Variants in TMEM232 observed in about 807,000 individuals in gnomAD.
TMEM232 encodes transmembrane protein 232.
In TMEM232, 80 loss-of-function variants were observed where a neutral mutation model predicts 78.8. That is an observed-to-expected ratio of 1.01 (90% CI 0.85 to 1.22). The LOEUF is 1.22. TMEM232 is among the 50% of genes most tolerant of loss of function. The pLI is 0.00. For synonymous variants in TMEM232, 297 were observed against 254.3 expected, an observed-to-expected ratio of 1.17 and a Z score of -1.60; for missense variants, 881 against 742.2, an observed-to-expected ratio of 1.19 and a Z score of -2.17.
Position 110,659,402 on chromosome 5 carries a change from C to T in TMEM232, c.125+7826G>A, listed in dbSNP as rs7719475. Among the ~76,000 whole-genome samples, 1,480 of 152,120 alleles carry T rather than the reference C, an allele frequency of 9.7e-3. 18 individuals carry two copies. The highest frequency in any genetic ancestry group is 0.034 in the African/African-American group (1,391 of 41,486). Reference sequence around the variant, plus strand: ...ACCCTAGACAAACATAGATTGTTGGCCAAGAAAACTCAGGCAGTGAATTTA... The same window carrying T: ...ACCCTAGACAAACATAGATTGTTGGTCAAGAAAACTCAGGCAGTGAATTTA... On this transcript the variant is annotated intron_variant, in intron 2 of 13. Coordinates refer to ENST00000455884, the MANE Select transcript of TMEM232 (RefSeq NM_001039763.4).
intron 10 of TMEM232, among the ~76,000 whole-genome samples, chr5:110,578,846 AT>A (rs1416281893): frequency 9.2e-5 from 14 of 151,902 alleles, no homozygotes; most frequent in Admixed American, 2.0e-4. Flanking sequence ...TAGATTTAGC[AT>A]GTAAATCTAG....
chr5:110,410,935 A>G (rs746030861), intron 2 of TMEM232, among the ~76,000 whole-genome samples: 2 of 152,104 alleles, frequency 1.3e-5, no homozygotes, highest in South Asian at 2.1e-4. Context: ...TGTAGGTACT[A>G]TTTGTTTCTC....
chr5:110,643,436 G>A (rs997799159), intron 2 of TMEM232, among the ~76,000 whole-genome samples: 2 of 152,020 alleles, frequency 1.3e-5, no homozygotes, highest in Admixed American at 6.6e-5. Context: ...AAAATGTAGA[G>A]AGAGTATACG....
At chr5:110,463,061 A>C (rs780488248) in intron 12 of TMEM232, among the ~76,000 whole-genome samples, 7 of 152,174 alleles carry the variant, frequency 4.6e-5, no homozygotes, top group Non-Finnish European at 1.0e-4. Context: ...GATTGACTCC[A>C]TTTTTGAAAA....
rs188063163 is a variant in TMEM232, at chr5:110,519,325, T to C, written c.1703+9263A>G. Reference sequence around the variant, plus strand: ...CAACAGCCATGGGAAAAATAAAAATTTGACAAAGAATTACCTTAGAAGAAG... The same window carrying C: ...CAACAGCCATGGGAAAAATAAAAATCTGACAAAGAATTACCTTAGAAGAAG... On this transcript the variant is annotated intron_variant, in intron 12 of 13. Coordinates refer to ENST00000455884, the MANE Select transcript of TMEM232 (RefSeq NM_001039763.4). 2.0e-5 allele frequency among the ~76,000 whole-genome samples: 3 copies of C among 152,152 alleles called. No homozygotes were observed. The East Asian group carries it at 5.8e-4, about 29-fold the overall frequency.
chr5:110,533,620 C>T (rs925079909), intron 11 of TMEM232, among the ~76,000 whole-genome samples: 2 of 152,190 alleles, frequency 1.3e-5, no homozygotes, highest in Non-Finnish European at 2.9e-5. Flanking sequence ...TCCCCGGCTC[C>T]TTCAGCTGTA....
At chr5:110,713,814 G>C (rs1170283270) in intron 1 of TMEM232, among the ~76,000 whole-genome samples, 1 of 152,176 alleles carries the variant, frequency 6.6e-6, no homozygotes, top group Admixed American at 6.6e-5. Flanking sequence ...CTGGGTGGCA[G>C]AGAGTTAGAA....
chr5:110,675,059 T>TTTA (rs1791851603), intron 1 of TMEM232, among the ~76,000 whole-genome samples: 1 of 137,922 alleles, frequency 7.3e-6, no homozygotes, highest in African/African-American at 2.8e-5. Context: ...TTATTTATTT[T>TTTA]GAGACAGAGT....
chr5:110,651,391 A>C (rs1384553724), intron 2 of TMEM232, among the ~76,000 whole-genome samples: 2 of 151,804 alleles, frequency 1.3e-5, no homozygotes, highest in African/African-American at 2.4e-5. Flanking sequence ...AGAGACAAAG[A>C]AAACAAAAGA....
At chr5:110,547,646 A>T (rs1319678311) in intron 11 of TMEM232, among the ~76,000 whole-genome samples, 2 of 152,188 alleles carry the variant, frequency 1.3e-5, no homozygotes, top group African/African-American at 4.8e-5. Flanking sequence ...TTTATGTTTC[A>T]TCTATGACAA....
chr5:110,703,789 A>G (rs1006785343), intron 1 of TMEM232, among the ~76,000 whole-genome samples: 3 of 152,080 alleles, frequency 2.0e-5, no homozygotes, highest in Admixed American at 6.6e-5. Context: ...CCATTTTCCA[A>G]TATTTTTATT....
chr5:110,610,358 C>G, intron 8 of TMEM232: 1 of 174,306 alleles, frequency 5.7e-6, no homozygotes, highest in South Asian at 1.0e-4. Context: ...AACAAAAAGT[C>G]CAAAATTTAA....
At chr5:110,553,051 T>C (rs984371276) in intron 11 of TMEM232, among the ~76,000 whole-genome samples, 12 of 152,178 alleles carry the variant, frequency 7.9e-5, no homozygotes, top group African/African-American at 2.7e-4. Flanking sequence ...GTTGTAGGTA[T>C]GCAGTTTTAT....
At chr5:110,485,422 C>T (rs1335783080) in intron 12 of TMEM232, among the ~76,000 whole-genome samples, 2 of 151,928 alleles carry the variant, frequency 1.3e-5, no homozygotes, top group Non-Finnish European at 2.9e-5. Flanking sequence ...TACACTGCAC[C>T]GTATTTGTAG....
At chr5:110,665,627 G>A (rs542503154) in intron 2 of TMEM232, among the ~76,000 whole-genome samples, 21 of 150,650 alleles carry the variant, frequency 1.4e-4, no homozygotes, top group Non-Finnish European at 2.2e-4. Context: ...AATCCATCCC[G>A]GTTATCCAAT....
Position 110,505,225 on chromosome 5 carries a change from C to A in TMEM232, c.1703+23363G>T, listed in dbSNP as rs558402128. 1.8e-4 allele frequency among the ~76,000 whole-genome samples: 28 copies of A among 152,198 alleles called. No homozygotes were observed. The South Asian group carries it at 5.8e-3, about 32-fold the overall frequency. On this transcript the variant is annotated intron_variant, in intron 12 of 13. Coordinates refer to ENST00000455884, the MANE Select transcript of TMEM232 (RefSeq NM_001039763.4). ...TCCTCAAATACAAATACAAGAAGGA[C>A]ACTGGACCAAAGGGCTCCTATGGCT...
chr5:110,628,662 A>T (rs1441553493), intron 5 of TMEM232, among the ~76,000 whole-genome samples: 3 of 140,818 alleles, frequency 2.1e-5, no homozygotes, highest in South Asian at 2.2e-4. Context: ...GTCAGTATCC[A>T]GTGTGTGTGT....
chr5:110,676,415 A>G (rs75727999), intron 1 of TMEM232, among the ~76,000 whole-genome samples: 1 of 140,636 alleles, frequency 7.1e-6, no homozygotes, highest in East Asian at 2.1e-4. Context: ...TTTTTTTTTT[A>G]GACAGGGTCT....
At chr5:110,528,998 A>G (rs1012466769) in intron 11 of TMEM232, among the ~76,000 whole-genome samples, 163 bp from the exon 12 acceptor site, 3 of 152,120 alleles carry the variant, frequency 2.0e-5, no homozygotes, top group Non-Finnish European at 4.4e-5. Context: ...CAGTTTTCCA[A>G]AAGACTTCAA....
Sources: gnomAD v4.1 joint callset for allele counts (sites outside exome capture counted in the v4.1 genomes callset) on GRCh38, gnomAD v4.1.1 for gene constraint, MANE v1.5 for transcripts, NCBI Gene and HGNC (gene_info 2026-07-23, HGNC 2026-07-21) for gene names.